The following GNAO1 variants were observed in gnomAD, a reference collection of about 807,000 sequenced individuals.
The protein encoded by GNAO1 is G protein subunit alpha o1, also known as guanine nucleotide-binding protein G(o) subunit alpha.
For missense variants in GNAO1, 166 were observed against 478.7 expected (o/e 0.35, Z 6.10); for synonymous variants, 164 against 180.7 (o/e 0.91, Z 0.74).
rs747946596 is a variant in GNAO1 at position 56,336,716 on chromosome 16, C to A, written c.594-15C>A. 9 of 1,603,974 alleles carry A rather than the reference C, an allele frequency of 5.6e-6. No homozygotes were observed. The highest frequency in any genetic ancestry group is 2.2e-5 in the East Asian group (1 of 44,454). On this transcript the variant is annotated splice_polypyrimidine_tract_variant and intron_variant, in intron 5 of 8. Coordinates refer to ENST00000262493, the MANE Select transcript of GNAO1 (RefSeq NM_020988.3). The stretch of plus-strand genomic sequence containing the variant: ...TGCCTGGACCCTGCGCCTACCAGCT[C>A]CCTGCCTCCTACAGGCTGTTTGACG...
intron 2 of GNAO1, among the ~76,000 whole-genome samples, chr16:56,206,053 C>G (rs1166809103): frequency 5.9e-5 from 9 of 151,922 alleles, no homozygotes; most frequent in South Asian, 2.1e-4. Flanking sequence ...GGGCGTGGTG[C>G]CTCACACCTG....
At chr16:56,348,579 C>G (rs2037894521) in intron 6 of GNAO1, among the ~76,000 whole-genome samples, 1 of 152,238 alleles carries the variant, frequency 6.6e-6, no homozygotes, top group African/African-American at 2.4e-5. Context: ...CATCTATGAT[C>G]TCTGACTTCT....
At chr16:56,246,333 A>T (rs2036743874) in intron 2 of GNAO1, among the ~76,000 whole-genome samples, 1 of 152,250 alleles carries the variant, frequency 6.6e-6, no homozygotes, top group Non-Finnish European at 1.5e-5. Flanking sequence ...AGCTGTAATC[A>T]CAAAGGGCAT....
chr16:56,328,967 G>GC (rs2037663114), intron 4 of GNAO1, 176 bp downstream of exon 4: 6 of 630,766 alleles, frequency 9.5e-6, no homozygotes, highest in Non-Finnish European at 1.4e-5. Context: ...CTCTCTTCCT[G>GC]CACCCCAGGA....
chr16:56,213,986 G>A (rs754129752), intron 2 of GNAO1, among the ~76,000 whole-genome samples: 11 of 152,114 alleles, frequency 7.2e-5, no homozygotes, highest in Non-Finnish European at 1.6e-4. Context: ...CCGCTGCCAG[G>A]CCTAGGGCTT....
At chr16:56,296,483 G>C (rs2037289261) in intron 3 of GNAO1, among the ~76,000 whole-genome samples, 1 of 152,166 alleles carries the variant, frequency 6.6e-6, no homozygotes. Flanking sequence ...GCATGAACAG[G>C]CATGCAGAGG....
chr16:56,296,493 G>C (rs1435874056), intron 3 of GNAO1, among the ~76,000 whole-genome samples: 1 of 152,164 alleles, frequency 6.6e-6, no homozygotes, highest in Non-Finnish European at 1.5e-5. Context: ...GCATGCAGAG[G>C]GGGTCGCTGA....
At chr16:56,297,321 G>A (rs1029411101) in intron 3 of GNAO1, among the ~76,000 whole-genome samples, 2 of 152,086 alleles carry the variant, frequency 1.3e-5, no homozygotes, top group South Asian at 2.1e-4. Context: ...CTCATGAGCC[G>A]GCACCACCTT....
intron 2 of GNAO1, among the ~76,000 whole-genome samples, chr16:56,209,701 G>T (rs1273307116): frequency 6.6e-6 from 1 of 151,976 alleles, no homozygotes; most frequent in Non-Finnish European, 1.5e-5. Context: ...TTTATAACTA[G>T]ATACTTAATG....
intron 2 of GNAO1, among the ~76,000 whole-genome samples, chr16:56,236,776 C>T (rs2036641405): frequency 6.6e-6 from 1 of 152,200 alleles, no homozygotes; most frequent in Admixed American, 6.5e-5. Flanking sequence ...GACTTTTGAA[C>T]ACAAAGGCAG....
In GNAO1 at chr16:56,295,839, G is replaced by T. The variant is rs545592043; in HGVS notation, c.303+19767G>T. Among the ~76,000 whole-genome samples the T allele has an allele frequency of 1.8e-4, 28 of 152,334 alleles. No homozygotes were observed. In the South Asian group the frequency reaches 5.8e-3, roughly 32 times the overall value. ...CTTCCTTTCTGAATCAGAAACCTGG[G>T]GCTCCTGGGTAGTTGTTTGGGGGAG... On this transcript the variant is annotated intron_variant, in intron 3 of 8. Coordinates refer to ENST00000262493, the MANE Select transcript of GNAO1 (RefSeq NM_020988.3).
At position 56,329,143 on chromosome 16, in the gene GNAO1, G is replaced by A. The variant is rs756325792; in HGVS notation, c.464+352G>A. Reference sequence around the variant, plus strand: ...GTTTTTTTATAGGGAGCCCCTGACCGCATAAATACAAACCAAAACAACAGC... The same window carrying A: ...GTTTTTTTATAGGGAGCCCCTGACCACATAAATACAAACCAAAACAACAGC... On this transcript the variant is annotated intron_variant, in intron 4 of 8. Coordinates refer to ENST00000262493, the MANE Select transcript of GNAO1 (RefSeq NM_020988.3). 1.6e-4 allele frequency: 30 copies of A among 193,146 alleles called. 1 individual carries two copies. The highest frequency in any genetic ancestry group is 2.1e-3 in the Middle Eastern group (1 of 486). 12.0% of individuals were successfully genotyped at this position (193,146 alleles called of 1,614,324 possible).
At chr16:56,293,737 C>G (rs1596847118) in intron 3 of GNAO1, among the ~76,000 whole-genome samples, 1 of 152,256 alleles carries the variant, frequency 6.6e-6, no homozygotes, top group Non-Finnish European at 1.5e-5. Context: ...AATTTCAGAG[C>G]TGTCCTGATA....
intron 3 of GNAO1, among the ~76,000 whole-genome samples, chr16:56,315,543 A>G (rs1256342547): frequency 6.6e-6 from 1 of 152,080 alleles, no homozygotes; most frequent in South Asian, 2.1e-4. Context: ...CAGGAGAGAT[A>G]CCCAGGAGGT....
intron 2 of GNAO1, among the ~76,000 whole-genome samples, chr16:56,194,891 A>T (rs1332302241): frequency 1.3e-5 from 2 of 152,182 alleles, no homozygotes; most frequent in African/African-American, 4.8e-5. Flanking sequence ...CCACTTTAGG[A>T]TGAAAATTCC....
intron 2 of GNAO1, among the ~76,000 whole-genome samples, chr16:56,225,158 G>GA (rs561058712): frequency 3.3e-4 from 51 of 152,366 alleles, no homozygotes; most frequent in African/African-American, 1.2e-3. Context: ...TGTAGAGCAG[G>GA]ATGTGGCATT....
intron 2 of GNAO1, among the ~76,000 whole-genome samples, chr16:56,219,922 G>A (rs2036468719): frequency 6.6e-6 from 1 of 152,174 alleles, no homozygotes; most frequent in Non-Finnish European, 1.5e-5. Flanking sequence ...TGAATTCCTA[G>A]AACTAGAGAA....
intron 2 of GNAO1, among the ~76,000 whole-genome samples, chr16:56,253,964 A>G (rs1310087205): frequency 1.3e-5 from 2 of 152,240 alleles, no homozygotes; most frequent in African/African-American, 2.4e-5. Flanking sequence ...ATAATGTTAA[A>G]TGTTCCCATT....
intron 3 of GNAO1, chr16:56,306,814 CAG>C (rs1409268585): frequency 3.2e-4 from 49 of 152,290 alleles, no homozygotes; most frequent in African/African-American, 1.0e-3. Flanking sequence ...GACCAGAAAA[CAG>C]GACTTCAAAG....
Sources: allele counts gnomAD v4.1 joint callset (sites outside exome capture counted in the v4.1 genomes callset), GRCh38; gene constraint gnomAD v4.1.1; transcripts MANE v1.5; gene names NCBI Gene and HGNC (gene_info 2026-07-23, HGNC 2026-07-21).